Variants in DTNA observed in about 807,000 individuals in gnomAD.
The protein encoded by DTNA is dystrobrevin alpha, also known as dystrophin-related protein 3.
A neutral mutation model predicts 100.7 loss-of-function variants in DTNA; 43 were observed. That is an observed-to-expected ratio of 0.43 (90% CI 0.33 to 0.55). DTNA has a LOEUF of 0.55. DTNA is among the 20% of genes least tolerant of loss of function. DTNA has a pLI of 0.04. For synonymous variants in DTNA, 349 were observed against 347.9 expected (o/e 1.00, Z -0.04); for missense variants, 798 against 953.9 (o/e 0.84, Z 2.15).
chr18:34,725,700 A>G (rs2086501831), intron 1 of DTNA, among the ~76,000 whole-genome samples: 2 of 152,212 alleles, frequency 1.3e-5, no homozygotes, highest in African/African-American at 4.8e-5. Flanking sequence ...CGATTCCTCA[A>G]GGATCTAGAA....
chr18:34,809,414 C>G (rs1259518175), intron 5 of DTNA, among the ~76,000 whole-genome samples: 14 of 152,078 alleles, frequency 9.2e-5, no homozygotes, highest in Non-Finnish European at 2.1e-4. Flanking sequence ...TGAGATCACG[C>G]CACTACACTG....
chr18:34,874,724 A>G (rs2096798177), intron 17 of DTNA, among the ~76,000 whole-genome samples: 2 of 152,222 alleles, frequency 1.3e-5, no homozygotes, highest in Admixed American at 6.5e-5. Flanking sequence ...AAAACAATTT[A>G]CACTTCATTT....
chr18:34,777,911 T>G (rs981418905), intron 3 of DTNA, among the ~76,000 whole-genome samples: 2 of 152,202 alleles, frequency 1.3e-5, no homozygotes, highest in African/African-American at 4.8e-5. Context: ...GTTTTCCTCT[T>G]AAGTGATCTG....
At chr18:34,709,818 A>G (rs1439278106), upstream of DTNA, among the ~76,000 whole-genome samples, 2 of 152,228 alleles carry the variant, frequency 1.3e-5, no homozygotes, top group Admixed American at 1.3e-4. Context: ...GAAAAAAAGC[A>G]CTTTGAAACT....
chr18:34,789,145 A>G (rs2148946260), intron 3 of DTNA, among the ~76,000 whole-genome samples: 1 of 152,294 alleles, frequency 6.6e-6, no homozygotes, highest in Admixed American at 6.5e-5. Context: ...CAAAATCTGA[A>G]TTCTTTCCAC....
chr18:34,581,042 G>A (rs1326331512), intron 1 of DTNA, among the ~76,000 whole-genome samples: 1 of 152,014 alleles, frequency 6.6e-6, no homozygotes, highest in Non-Finnish European at 1.5e-5. Context: ...TCAGGAAATT[G>A]AGACCATCCT....
intron 1 of DTNA, among the ~76,000 whole-genome samples, chr18:34,561,069 C>T (rs1403189882): frequency 4.6e-5 from 7 of 151,998 alleles, no homozygotes; most frequent in South Asian, 2.1e-4. Flanking sequence ...TTATAATCTG[C>T]ACAATAAATG....
chr18:34,869,119 G>A (rs1487369828), intron 17 of DTNA, among the ~76,000 whole-genome samples: 5 of 152,122 alleles, frequency 3.3e-5, no homozygotes, highest in Non-Finnish European at 5.9e-5. Flanking sequence ...TAACTTTCAT[G>A]TTCATTAATT....
intron 1 of DTNA, among the ~76,000 whole-genome samples, chr18:34,590,652 T>C (rs1360725217): frequency 6.6e-6 from 1 of 152,188 alleles, no homozygotes; most frequent in Admixed American, 6.5e-5. Flanking sequence ...GGAGGAGAGA[T>C]TAACTTCTTG....
intron 1 of DTNA, among the ~76,000 whole-genome samples, chr18:34,689,057 A>T (rs35512601): frequency 0.049 from 7,414 of 152,012 alleles, 290 homozygotes; most frequent in Non-Finnish European, 0.076. Flanking sequence ...CCTTTTTTCA[A>T]GGTTCTTAGC....
chr18:34,722,094 T>G (rs1303164592), intron 1 of DTNA, among the ~76,000 whole-genome samples: 9 of 152,234 alleles, frequency 5.9e-5, no homozygotes, highest in Non-Finnish European at 1.5e-5. Flanking sequence ...ATTACCTTTC[T>G]CATTTAAAAT....
intron 1 of DTNA, among the ~76,000 whole-genome samples, chr18:34,754,797 A>G (rs1281850725): frequency 6.6e-6 from 1 of 152,166 alleles, no homozygotes; most frequent in Non-Finnish European, 1.5e-5. Flanking sequence ...AGTGCTCAGA[A>G]TTGAAAGGCA....
intron 1 of DTNA, among the ~76,000 whole-genome samples, chr18:34,725,308 C>A (rs149407597): frequency 6.6e-6 from 1 of 151,764 alleles, no homozygotes; most frequent in Non-Finnish European, 1.5e-5. Flanking sequence ...AGTGAACAGG[C>A]AACCTACAGA....
chr18:34,662,767 G>A (rs1449657885), intron 1 of DTNA: 3 of 152,146 alleles, frequency 2.0e-5, no homozygotes, highest in African/African-American at 7.2e-5. Context: ...ACTGTGCTAA[G>A]TGATCTCCTT....
At chr18:34,498,212 G>A (rs2039473933) in intron 1 of DTNA, among the ~76,000 whole-genome samples, 1 of 152,006 alleles carries the variant, frequency 6.6e-6, no homozygotes. Flanking sequence ...TCAGGAGATC[G>A]AGACCATCCT....
chr18:34,652,582 T>C (rs573676746), intron 1 of DTNA, among the ~76,000 whole-genome samples: 4 of 152,364 alleles, frequency 2.6e-5, no homozygotes, highest in Admixed American at 2.6e-4. Flanking sequence ...ATTCTTTTGA[T>C]GAAAATTTAT....
rs117142615 is a variant in DTNA at position 34,738,556 on chromosome 18, G to A, written c.-1-17420G>A. On this transcript the variant is annotated intron_variant, in intron 1 of 22. Coordinates refer to ENST00000444659, the MANE Select transcript of DTNA (RefSeq NM_001386795.1). ...CAGGCTGAGTCCAGCTTTGAAGCTG[G>A]GCTGGAGGCCACCCTCCTTCTACTC... 7.9e-5 allele frequency among the ~76,000 whole-genome samples: 12 copies of A among 152,226 alleles called. No homozygotes were observed. In the East Asian group the frequency reaches 1.7e-3, roughly 22 times the overall value.
chr18:34,861,485 C>CAAAAAAAAA (rs11329850), intron 16 of DTNA, among the ~76,000 whole-genome samples: 1 of 77,942 alleles, frequency 1.3e-5, no homozygotes, highest in Non-Finnish European at 2.3e-5. Flanking sequence ...GACTCCGTCT[C>CAAAAAAAAA]AAAAAAAAAA....
intron 1 of DTNA, among the ~76,000 whole-genome samples, chr18:34,516,001 C>A (rs2041569543): frequency 6.6e-6 from 1 of 152,094 alleles, no homozygotes; most frequent in Non-Finnish European, 1.5e-5. Flanking sequence ...GGGTCAAGAC[C>A]TTTTAGCCAA....
Sources: gnomAD v4.1 joint callset for allele counts (sites outside exome capture counted in the v4.1 genomes callset) on GRCh38, gnomAD v4.1.1 for gene constraint, MANE v1.5 for transcripts, NCBI Gene and HGNC (gene_info 2026-07-23, HGNC 2026-07-21) for gene names.